Variants in SLC35F4 observed in about 807,000 individuals in gnomAD.
SLC35F4 encodes chromosome 14 open reading frame 36.
A neutral mutation model predicts 44.2 loss-of-function variants in SLC35F4; 24 were observed. The ratio of observed to expected loss-of-function variants is 0.54; its 90% CI spans 0.39 to 0.76. SLC35F4 has a LOEUF of 0.76. SLC35F4 is among the 30% of genes least tolerant of loss of function. SLC35F4 has a pLI of 0.00. For missense variants in SLC35F4, 562 were observed against 586.1 expected (o/e 0.96, Z 0.42); for synonymous variants, 238 against 223.6 (o/e 1.06, Z -0.57).
At chr14:57,959,333 C>T (rs907769653) in intron 1 of SLC35F4, among the ~76,000 whole-genome samples, 13 of 152,062 alleles carry the variant, frequency 8.5e-5, no homozygotes, top group African/African-American at 2.9e-4. Flanking sequence ...CTTTAAGTCA[C>T]CTTGAGGAAA....
At chr14:57,760,026 T>G (rs902749898) in intron 1 of SLC35F4, among the ~76,000 whole-genome samples, 1 of 152,126 alleles carries the variant, frequency 6.6e-6, no homozygotes, top group Non-Finnish European at 1.5e-5. Context: ...TGTCACTTTT[T>G]AGTTTGATGT....
At chr14:57,625,557 C>T (rs922476523) in intron 1 of SLC35F4, among the ~76,000 whole-genome samples, 1 of 152,288 alleles carries the variant, frequency 6.6e-6, no homozygotes, top group South Asian at 2.1e-4. Flanking sequence ...AACTATACTA[C>T]AAGGCTACAG....
intron 1 of SLC35F4, among the ~76,000 whole-genome samples, chr14:57,943,875 G>A (rs999149813): frequency 2.6e-5 from 4 of 152,150 alleles, no homozygotes; most frequent in Non-Finnish European, 4.4e-5. Context: ...TTCCTTCCCT[G>A]CTGGGAGTGA....
intron 6 of SLC35F4, among the ~76,000 whole-genome samples, chr14:57,567,712 C>A (rs1398298131): frequency 3.3e-5 from 5 of 152,224 alleles, no homozygotes; most frequent in Admixed American, 1.3e-4. Context: ...GGGAGTCCAA[C>A]ATCGCAAATT....
At chr14:57,667,758 G>C (rs7157234) in intron 1 of SLC35F4, among the ~76,000 whole-genome samples, 6 of 150,972 alleles carry the variant, frequency 4.0e-5, no homozygotes, top group Non-Finnish European at 5.9e-5. Context: ...GGTTGGTTCC[G>C]AGTCTTTGCT....
At chr14:57,628,624 A>T (rs1003649949) in intron 1 of SLC35F4, among the ~76,000 whole-genome samples, 1 of 151,502 alleles carries the variant, frequency 6.6e-6, no homozygotes, top group Non-Finnish European at 1.5e-5. Flanking sequence ...AAATGACATG[A>T]ACTCATCCTT....
chr14:57,866,377 G>A (rs975577215), upstream of SLC35F4, among the ~76,000 whole-genome samples: 25 of 152,074 alleles, frequency 1.6e-4, no homozygotes, highest in Non-Finnish European at 3.2e-4. Context: ...CTTCTGGGGC[G>A]CCCCGGGACT....
intron 1 of SLC35F4, among the ~76,000 whole-genome samples, chr14:57,684,329 A>T (rs2075003002): frequency 6.6e-6 from 1 of 151,922 alleles, no homozygotes; most frequent in Non-Finnish European, 1.5e-5. Flanking sequence ...CAGTCCCCAC[A>T]CTTTTTGGCA....
chr14:57,773,497 T>C (rs2077416953), intron 1 of SLC35F4, among the ~76,000 whole-genome samples: 1 of 152,182 alleles, frequency 6.6e-6, no homozygotes, highest in African/African-American at 2.4e-5. Flanking sequence ...GTCACCAAGG[T>C]CTGTGCCATT....
chr14:57,688,638 C>A (rs915449275), intron 1 of SLC35F4, among the ~76,000 whole-genome samples: 4 of 152,124 alleles, frequency 2.6e-5, no homozygotes, highest in African/African-American at 4.8e-5. Flanking sequence ...TTGGTACCAT[C>A]TCTTAATCTG....
intron 1 of SLC35F4, among the ~76,000 whole-genome samples, chr14:57,872,569 C>A (rs1383593051): frequency 6.6e-6 from 1 of 152,154 alleles, no homozygotes; most frequent in Non-Finnish European, 1.5e-5. Context: ...ACCTCCTGCA[C>A]CAGCATTTCC....
In SLC35F4 at chr14:57,627,990, T is replaced by C. The variant is rs116375264; in HGVS notation, c.104-33866A>G. On this transcript the variant is annotated intron_variant, in intron 1 of 7. Coordinates refer to ENST00000556826, the MANE Select transcript of SLC35F4 (RefSeq NM_001306087.2). ...GCTGATAAAGATCTCAATTCACCTA[T>C]GTAGAAAAACATACATTTTATTCAG... Among the ~76,000 whole-genome samples, 878 of 152,240 alleles carry C rather than the reference T, an allele frequency of 5.8e-3. 6 individuals are homozygous for C. The highest frequency in any genetic ancestry group is 0.019 in the African/African-American group (807 of 41,572).
intron 1 of SLC35F4, among the ~76,000 whole-genome samples, chr14:57,899,616 G>A (rs1018857302): frequency 6.6e-6 from 1 of 152,308 alleles, no homozygotes; most frequent in South Asian, 2.1e-4. Flanking sequence ...TCATTGGCTT[G>A]TGAAACTAGC....
At chr14:57,610,929 G>C (rs1172304473) in intron 1 of SLC35F4, among the ~76,000 whole-genome samples, 2 of 152,242 alleles carry the variant, frequency 1.3e-5, no homozygotes, top group Non-Finnish European at 2.9e-5. Context: ...GCATGTGTAA[G>C]CAAATACATC....
intron 1 of SLC35F4, chr14:57,630,774 G>A: frequency 2.1e-6 from 1 of 486,000 alleles, no homozygotes; most frequent in Non-Finnish European, 3.4e-6. Flanking sequence ...ATACAGTGTT[G>A]CAATGATGAT....
chr14:57,672,789 T>A (rs899397159), intron 1 of SLC35F4, among the ~76,000 whole-genome samples: 47 of 152,100 alleles, frequency 3.1e-4, no homozygotes, highest in South Asian at 2.9e-3. Context: ...TTTTATTTTT[T>A]TTTTTTCACT....
chr14:57,793,155 A>G (rs1488422518), intron 1 of SLC35F4, among the ~76,000 whole-genome samples: 1 of 152,150 alleles, frequency 6.6e-6, no homozygotes, highest in Non-Finnish European at 1.5e-5. Flanking sequence ...GGCTCCTCTG[A>G]GTAACAGAAT....
rs572901192 is a variant in SLC35F4, at chr14:57,849,478, TA to T, written c.103+16244del. Among the ~76,000 whole-genome samples the T allele has an allele frequency of 3.7e-3, 551 of 149,790 alleles. 2 individuals are homozygous for T. The highest frequency in any genetic ancestry group is 0.012 in the African/African-American group (500 of 40,204). On this transcript the variant is annotated intron_variant, in intron 1 of 7. Coordinates refer to ENST00000556826, the MANE Select transcript of SLC35F4 (RefSeq NM_001306087.2). ...AGCCCAGCCCACAAAAATTTTTTTT[TA>T]AATTTTAAAACAACTTGGAGGAAAC... is the stretch of plus-strand genomic sequence containing the variant.
intron 1 of SLC35F4, among the ~76,000 whole-genome samples, chr14:57,785,649 C>T (rs138454436): frequency 2.6e-5 from 4 of 152,308 alleles, no homozygotes; most frequent in African/African-American, 9.6e-5. Context: ...ATGCACACCC[C>T]TACTGGAGAA....
Sources: gnomAD v4.1 joint callset for allele counts (sites outside exome capture counted in the v4.1 genomes callset) on GRCh38, gnomAD v4.1.1 for gene constraint, MANE v1.5 for transcripts, NCBI Gene and HGNC (gene_info 2026-07-23, HGNC 2026-07-21) for gene names.